Variants in MSI2 observed in about 807,000 individuals in gnomAD.
MSI2 encodes the protein musashi RNA binding protein 2, also known as RNA-binding protein Musashi homolog 2.
In MSI2, 17 loss-of-function variants were observed where a neutral mutation model predicts 45.6. The observed-to-expected ratio is 0.37, with a 90% CI of 0.26 to 0.56. MSI2 has a LOEUF of 0.56. Among genes scored for constraint, MSI2 ranks in the 20% least tolerant of loss-of-function variants. The pLI, the probability that MSI2 is intolerant of heterozygous loss-of-function variation, is 0.77. For synonymous variants in MSI2, 156 were observed against 158.2 expected (o/e 0.99, Z 0.11); for missense variants, 293 against 444.2 (o/e 0.66, Z 3.06).
chr17:57,333,525 C>T (rs899482503), intron 5 of MSI2, among the ~76,000 whole-genome samples: 4 of 151,760 alleles, frequency 2.6e-5, no homozygotes, highest in African/African-American at 4.8e-5. Flanking sequence ...GCAACCTCTG[C>T]CTCCTGGGTT....
chr17:57,621,314 A>G (rs1908271495), intron 9 of MSI2, among the ~76,000 whole-genome samples: 1 of 152,256 alleles, frequency 6.6e-6, no homozygotes, highest in Admixed American at 6.5e-5. Flanking sequence ...AAGTTAACTA[A>G]CCAATGAAAT....
chr17:57,685,084 G>T (rs189277311), downstream of MSI2, among the ~76,000 whole-genome samples: 10 of 152,076 alleles, frequency 6.6e-5, no homozygotes, highest in African/African-American at 2.4e-4. Context: ...GCGCCAAACC[G>T]CATTCCACGA....
chr17:57,419,869 G>A (rs1239370789), intron 6 of MSI2, among the ~76,000 whole-genome samples: 1 of 152,206 alleles, frequency 6.6e-6, no homozygotes, highest in Non-Finnish European at 1.5e-5. Context: ...GGCTGGGCCT[G>A]CTTCTGCCCC....
chr17:57,329,928 G>T (rs1045140800), intron 5 of MSI2, among the ~76,000 whole-genome samples: 8 of 149,784 alleles, frequency 5.3e-5, no homozygotes, highest in Non-Finnish European at 1.0e-4. Flanking sequence ...AAAGTTTTTT[G>T]TTTTTGTTTT....
intron 7 of MSI2, among the ~76,000 whole-genome samples, chr17:57,559,636 G>T (rs2087525204): frequency 6.6e-6 from 1 of 152,258 alleles, no homozygotes; most frequent in Non-Finnish European, 1.5e-5. Context: ...TGAGGGGACT[G>T]TGTGGGACCA....
intron 10 of MSI2, among the ~76,000 whole-genome samples, chr17:57,648,139 G>GTGTA (rs1910833444): frequency 7.9e-6 from 1 of 127,090 alleles, no homozygotes; most frequent in Non-Finnish European, 1.6e-5. Context: ...ATTCGTGTGT[G>GTGTA]TGTGTGTGTG....
intron 4 of MSI2, among the ~76,000 whole-genome samples, chr17:57,261,279 T>C (rs985252749): frequency 6.6e-6 from 1 of 152,182 alleles, no homozygotes; most frequent in Non-Finnish European, 1.5e-5. Flanking sequence ...AGGATGTTTT[T>C]CCACTCGGAT....
intron 7 of MSI2, among the ~76,000 whole-genome samples, chr17:57,534,435 G>A (rs1214376660): frequency 1.3e-5 from 2 of 152,144 alleles, no homozygotes; most frequent in African/African-American, 4.8e-5. Flanking sequence ...GATGCCAGTC[G>A]GCACGATGGC....
chr17:57,633,255 TAA>T lies in MSI2; in HGVS notation c.727+5953_727+5954del, dbSNP rs776622456. 4.0e-4 allele frequency: 350 copies of T among 880,544 alleles called. 1 individual carries two copies. Among genetic ancestry groups the T allele is most frequent in the Non-Finnish European group, 4.6e-4 (337 of 726,456 alleles). 54.5% of individuals were successfully genotyped at this position (880,544 alleles called of 1,614,324 possible). On this transcript the variant is annotated intron_variant, in intron 10 of 13. Transcript: ENST00000284073. ...CTCCGGGGGAGGTGAATGCACTGAA[TAA>T]CCAGCACCGATGACAGCCTAGTGCA...
intron 5 of MSI2, among the ~76,000 whole-genome samples, chr17:57,283,553 A>G (rs62058031): frequency 0.031 from 4,778 of 152,342 alleles, 124 homozygotes; most frequent in East Asian, 0.12. Context: ...TAAAGGAAAG[A>G]AAGGAAGAGA....
intron 6 of MSI2, among the ~76,000 whole-genome samples, chr17:57,486,453 T>C (rs925919469): frequency 1.3e-5 from 2 of 152,206 alleles, no homozygotes; most frequent in Non-Finnish European, 2.9e-5. Context: ...CGAAAATAGT[T>C]TGGGTCATTG....
At chr17:57,330,715 C>CA (rs1426896951) in intron 5 of MSI2, among the ~76,000 whole-genome samples, 5 of 151,306 alleles carry the variant, frequency 3.3e-5, no homozygotes, top group Non-Finnish European at 7.4e-5. Context: ...TGGATGGTTT[C>CA]AAAAAAAACA....
rs148350891 is a variant in MSI2, at chr17:57,421,726, A to T, written c.405+20255A>T. Among the ~76,000 whole-genome samples, 39 of 152,266 alleles carry T rather than the reference A, an allele frequency of 2.6e-4. No homozygotes were observed. In the East Asian group the frequency reaches 7.5e-3, roughly 29 times the overall value. On this transcript the variant is annotated intron_variant, in intron 6 of 13. Coordinates refer to ENST00000284073, the MANE Select transcript of MSI2 (RefSeq NM_138962.4). ...TAGTGAGACCCTATCTGTACAAAAA[A>T]TGTGCCTGTACTCCTAGCTACATGG...
intron 5 of MSI2, among the ~76,000 whole-genome samples, chr17:57,299,296 T>C (rs1020288682): frequency 6.6e-6 from 1 of 152,262 alleles, no homozygotes; most frequent in Admixed American, 6.5e-5. Flanking sequence ...TTTAATTTCC[T>C]TCAAGAACTT....
In MSI2 at chr17:57,436,185, C is replaced by T. The variant is rs149853958; in HGVS notation, c.405+34714C>T. 1.1e-4 allele frequency among the ~76,000 whole-genome samples: 17 copies of T among 152,232 alleles called. 1 individual carries two copies. The East Asian group carries it at 2.7e-3, about 24-fold the overall frequency. ...AGATGAACCTGGGGATGAATACAGG[C>T]GTGGCCGTGGGCAAGCGACTTGACC... is the stretch of plus-strand genomic sequence containing the variant. On this transcript the variant is annotated intron_variant, in intron 6 of 13. Coordinates refer to ENST00000284073, the MANE Select transcript of MSI2 (RefSeq NM_138962.4).
intron 5 of MSI2, among the ~76,000 whole-genome samples, chr17:57,305,146 G>T (rs1467048000): frequency 6.6e-6 from 1 of 152,082 alleles, no homozygotes; most frequent in Non-Finnish European, 1.5e-5. Flanking sequence ...TTTAGGAAAG[G>T]CCCCCTCAGT....
intron 6 of MSI2, among the ~76,000 whole-genome samples, chr17:57,464,174 G>A (rs893963960): frequency 6.6e-6 from 1 of 152,130 alleles, no homozygotes; most frequent in African/African-American, 2.4e-5. Context: ...CCAGGGCAGT[G>A]GCTCACGCTT....
At position 57,529,851 on chromosome 17, in the gene MSI2, A is replaced by G. The variant is rs759371612; in HGVS notation, c.454+127A>G. On this transcript the variant is annotated intron_variant, in intron 7 of 13. Transcript: ENST00000284073. This position sits in a 1 kb window ranked among gnomAD's most constrained non-coding sequence, Gnocchi z 5.3. ...GTCAAGCAGGTAGAGGTGACCATCC[A>G]TTGAAGATCTTTATTCACGGAGAGT... 111 of 716,938 alleles carry G rather than the reference A, an allele frequency of 1.5e-4. No homozygotes were observed. The highest frequency in any genetic ancestry group is 2.2e-4 in the Non-Finnish European group (97 of 433,634). 44.4% of individuals were successfully genotyped at this position (716,938 alleles called of 1,614,324 possible).
intron 9 of MSI2, among the ~76,000 whole-genome samples, chr17:57,620,659 A>G (rs1908205628): frequency 6.6e-6 from 1 of 152,188 alleles, no homozygotes; most frequent in South Asian, 2.1e-4. Flanking sequence ...TCCCAGCCCA[A>G]GGAGTTTGGA....
Sources: gnomAD v4.1 joint callset for allele counts (sites outside exome capture counted in the v4.1 genomes callset) on GRCh38, gnomAD v4.1.1 for gene constraint, Gnocchi (gnomAD v3.1) non-coding constraint, MANE v1.5 for transcripts, NCBI Gene and HGNC (gene_info 2026-07-23, HGNC 2026-07-21) for gene names.